ZC4H2: variants seen among roughly 807,000 people sequenced by gnomAD.
The protein encoded by ZC4H2 is zinc finger C4H2 domain-containing protein.
For synonymous variants in ZC4H2, 84 were observed against 66.3 expected, an observed-to-expected ratio of 1.27 and a Z score of -1.30; for missense variants, 137 against 173.9, an observed-to-expected ratio of 0.79 and a Z score of 1.19.
intron 1 of ZC4H2, among the ~76,000 whole-genome samples, chrX:64,961,823 G>T (rs1269510392): frequency 1.8e-5 from 2 of 111,020 alleles, no homozygotes. Context: ...ATAAAAAATG[G>T]ATAAATTCCT....
At chrX:65,001,515 C>T (rs2147279494) in intron 1 of ZC4H2, among the ~76,000 whole-genome samples, 1 of 112,047 alleles carries the variant, frequency 8.9e-6, no homozygotes, top group East Asian at 2.8e-4. Context: ...ACCATCAACA[C>T]TATGAAGAAA....
chrX:64,952,149 C>T (rs867449371), intron 1 of ZC4H2, among the ~76,000 whole-genome samples: 2 of 110,426 alleles, frequency 1.8e-5, no homozygotes, highest in Admixed American at 9.6e-5. Flanking sequence ...TGTTCTGTTC[C>T]ATTGATCTAT....
At chrX:65,031,903 T>C (rs956498127) in intron 1 of ZC4H2, among the ~76,000 whole-genome samples, 5 of 112,623 alleles carry the variant, frequency 4.4e-5, no homozygotes, top group African/African-American at 1.6e-4. Context: ...GCCTCAATTC[T>C]CAAGTGGACT....
At chrX:64,938,031 C>T (rs1336289630) in intron 1 of ZC4H2, among the ~76,000 whole-genome samples, 1 of 111,737 alleles carries the variant, frequency 8.9e-6, no homozygotes, top group Non-Finnish European at 1.9e-5. Context: ...AATAGATAGT[C>T]TGCTAGCCAG....
chrX:65,002,515 A>G (rs1932563296), intron 1 of ZC4H2, among the ~76,000 whole-genome samples: 1 of 108,875 alleles, frequency 9.2e-6, no homozygotes, highest in African/African-American at 3.3e-5. Context: ...CCTTCTGGGA[A>G]GTGAGGAGCC....
At chrX:64,937,021 C>T (rs1314147309) in intron 1 of ZC4H2, among the ~76,000 whole-genome samples, 1 of 110,124 alleles carries the variant, frequency 9.1e-6, no homozygotes, top group Non-Finnish European at 1.9e-5. Flanking sequence ...ATTCAGGGGA[C>T]CCATCTCACA....
intron 1 of ZC4H2, among the ~76,000 whole-genome samples, chrX:64,993,061 A>C (rs1039371945): frequency 8.9e-6 from 1 of 111,866 alleles, no homozygotes; most frequent in African/African-American, 3.3e-5. Context: ...TGCATCCTCC[A>C]CCATAGAGTT....
chrX:65,020,256 T>C (rs1932827110), intron 1 of ZC4H2, among the ~76,000 whole-genome samples: 1 of 110,360 alleles, frequency 9.1e-6, no homozygotes, highest in African/African-American at 3.3e-5. Context: ...AAGGTTGAAA[T>C]GAAAGAAAAA....
chrX:64,971,938 T>C (rs1931795141), intron 1 of ZC4H2, among the ~76,000 whole-genome samples: 1 of 111,568 alleles, frequency 9.0e-6, no homozygotes, highest in Non-Finnish European at 1.9e-5. Context: ...ATGGATGGCA[T>C]GTGCATTTTA....
At chrX:64,980,729 A>G (rs1390425017), upstream of ZC4H2, among the ~76,000 whole-genome samples, 1 of 111,475 alleles carries the variant, frequency 9.0e-6, no homozygotes, top group Non-Finnish European at 1.9e-5. Context: ...AGTAAGTGGC[A>G]GAACTGAGAT....
chrX:64,921,273 A>G (rs1929182749), intron 2 of ZC4H2, among the ~76,000 whole-genome samples: 1 of 112,349 alleles, frequency 8.9e-6, no homozygotes, highest in Non-Finnish European at 1.9e-5. Context: ...TCATCAGTAC[A>G]GTAGCTCATA....
intron 1 of ZC4H2, among the ~76,000 whole-genome samples, chrX:64,927,364 G>A (rs1439516121): frequency 1.8e-5 from 2 of 110,019 alleles, no homozygotes; most frequent in Admixed American, 9.7e-5. Flanking sequence ...TACCACTTAT[G>A]AGTGAGAACA....
chrX:65,028,835 A>AT (rs999582696), intron 1 of ZC4H2, among the ~76,000 whole-genome samples: 2 of 111,188 alleles, frequency 1.8e-5, no homozygotes, highest in East Asian at 2.8e-4. Flanking sequence ...CTTTGGGGAA[A>AT]TTTTTTTGGG....
At chrX:64,938,219 C>G (rs1392139886) in intron 1 of ZC4H2, among the ~76,000 whole-genome samples, 1 of 111,723 alleles carries the variant, frequency 9.0e-6, no homozygotes, top group African/African-American at 3.3e-5. Flanking sequence ...AATACACCCC[C>G]TCAAGTCTAA....
At chrX:64,957,867 T>TA (rs973693073) in intron 1 of ZC4H2, among the ~76,000 whole-genome samples, 68 of 108,201 alleles carry the variant, frequency 6.3e-4, no homozygotes, top group South Asian at 1.6e-3. Flanking sequence ...GTTTCAAAAA[T>TA]AAAAAAAAAT....
chrX:64,938,824 G>A (rs749255505), intron 1 of ZC4H2, among the ~76,000 whole-genome samples: 17 of 111,602 alleles, frequency 1.5e-4, no homozygotes, highest in African/African-American at 5.5e-4. Context: ...AACCTACAGC[G>A]AATATCATAC....
intron 1 of ZC4H2, among the ~76,000 whole-genome samples, chrX:65,012,243 AAAAGAAAG>A (rs756822500): frequency 4.0e-5 from 4 of 99,762 alleles, no homozygotes; most frequent in Middle Eastern, 5.5e-3. Context: ...AAAAAAAAAA[AAAAGAAAG>A]AAAGAAAGAA....
chrX:65,000,141 T>C (rs1442871693), intron 1 of ZC4H2, among the ~76,000 whole-genome samples: 2 of 112,236 alleles, frequency 1.8e-5, no homozygotes, highest in Non-Finnish European at 3.8e-5. Context: ...GCATGCCTCC[T>C]GATTGGGAGA....
At chrX:64,999,817 T>C (rs1228451674) in intron 1 of ZC4H2, among the ~76,000 whole-genome samples, 1 of 111,752 alleles carries the variant, frequency 8.9e-6, no homozygotes, top group African/African-American at 3.3e-5. Context: ...TGTAAATAAA[T>C]CCTCCAGCAT....
Sources: gnomAD v4.1 joint callset for allele counts (sites outside exome capture counted in the v4.1 genomes callset) on GRCh38, gnomAD v4.1.1 for gene constraint, MANE v1.5 for transcripts, NCBI Gene and HGNC (gene_info 2026-07-23, HGNC 2026-07-21) for gene names.